PDE4D: variants seen among roughly 807,000 people sequenced by gnomAD.
The protein encoded by PDE4D is phosphodiesterase 4D.
Under a neutral mutation model 87.4 loss-of-function variants are expected in PDE4D, and 24 were observed. That is an observed-to-expected ratio of 0.27 (90% CI 0.20 to 0.39). PDE4D has a LOEUF of 0.39. Among genes scored for constraint, PDE4D ranks in the 10% least tolerant of loss-of-function variants. PDE4D has a pLI of 1.00. For missense variants in PDE4D, 714 were observed against 1,041.0 expected (o/e 0.69, Z 4.32); for synonymous variants, 384 against 383.2 (o/e 1.00, Z -0.02).
At chr5:60,189,966 T>C (rs1161378973) in intron 1 of PDE4D, among the ~76,000 whole-genome samples, 2 of 122,790 alleles carry the variant, frequency 1.6e-5, no homozygotes, top group Admixed American at 7.6e-5. Flanking sequence ...TATATTTTTC[T>C]AGGGTTGCAT....
At chr5:60,481,517 T>A (rs1456585166) in intron 1 of PDE4D, among the ~76,000 whole-genome samples, 1 of 152,170 alleles carries the variant, frequency 6.6e-6, no homozygotes, top group African/African-American at 2.4e-5. Context: ...CTCCAAAACC[T>A]ACCTGTACAC....
At chr5:59,118,996 A>G (rs1448249413) in intron 5 of PDE4D, among the ~76,000 whole-genome samples, 1 of 152,136 alleles carries the variant, frequency 6.6e-6, no homozygotes, top group Non-Finnish European at 1.5e-5. Flanking sequence ...ACTGTTTTTA[A>G]GAAAAGATAT....
intron 1 of PDE4D, among the ~76,000 whole-genome samples, chr5:59,574,134 A>ATATATT (rs1822651088): frequency 1.3e-3 from 6 of 4,668 alleles, no homozygotes; most frequent in Admixed American, 5.0e-3. Flanking sequence ...ATATTTATAT[A>ATATATT]TATATATATA....
intron 2 of PDE4D, among the ~76,000 whole-genome samples, chr5:60,007,183 C>T (rs947046277): frequency 2.0e-5 from 3 of 151,918 alleles, no homozygotes; most frequent in African/African-American, 7.2e-5. Flanking sequence ...TTTTTCAAAA[C>T]GTCACCTTCA....
chr5:59,188,085 T>C (rs1441854439), intron 3 of PDE4D, among the ~76,000 whole-genome samples: 2 of 152,082 alleles, frequency 1.3e-5, no homozygotes. Flanking sequence ...AGTTCCATTG[T>C]TCTTTGCTTT....
chr5:60,000,863 G>A (rs1238270007), intron 2 of PDE4D, among the ~76,000 whole-genome samples: 2 of 152,150 alleles, frequency 1.3e-5, no homozygotes, highest in African/African-American at 4.8e-5. Context: ...ACTGTGGCCT[G>A]AGAGCAGTCC....
intron 1 of PDE4D, among the ~76,000 whole-genome samples, chr5:59,364,088 GT>G (rs1782667572): frequency 6.6e-6 from 1 of 152,202 alleles, no homozygotes; most frequent in South Asian, 2.1e-4. Context: ...ACAGCTTATT[GT>G]TGTTATTTGT....
chr5:60,067,266 A>G (rs1582481059), intron 2 of PDE4D, among the ~76,000 whole-genome samples: 1 of 152,218 alleles, frequency 6.6e-6, no homozygotes, highest in Non-Finnish European at 1.5e-5. Context: ...GATATGGTAG[A>G]TGAGAACAGT....
intron 1 of PDE4D, among the ~76,000 whole-genome samples, chr5:59,411,551 T>C (rs192271248): frequency 6.6e-6 from 1 of 152,338 alleles, no homozygotes; most frequent in East Asian, 1.9e-4. Context: ...CCTGTCTCCT[T>C]GGCTTTCAGA....
At chr5:60,465,484 T>C (rs561641612) in intron 1 of PDE4D, among the ~76,000 whole-genome samples, 1 of 152,316 alleles carries the variant, frequency 6.6e-6, no homozygotes, top group African/African-American at 2.4e-5. Context: ...TTGGTTCATT[T>C]AAGATGGTCC....
chr5:59,518,195 G>T (rs1460352212), intron 1 of PDE4D, among the ~76,000 whole-genome samples: 2 of 62,224 alleles, frequency 3.2e-5, no homozygotes, highest in Non-Finnish European at 6.6e-5. Context: ...TTGTGTGTTT[G>T]TGTGTGTGTG....
intron 1 of PDE4D, among the ~76,000 whole-genome samples, chr5:60,426,254 A>G (rs933705627): frequency 2.0e-5 from 3 of 152,202 alleles, no homozygotes; most frequent in Non-Finnish European, 2.9e-5. Flanking sequence ...GGCACTATTC[A>G]CAATAGCAAA....
rs1017503344 is a variant in PDE4D at position 59,275,527 on chromosome 5, A to G, written c.456-59559T>C. On this transcript the variant is annotated intron_variant, in intron 1 of 14. Coordinates refer to ENST00000340635, the MANE Select transcript of PDE4D (RefSeq NM_001104631.2). ...AAGGGAGGCTGCTTGAAGAAATCCA[A>G]TTTTCCTGGAGTCCATCTCCTGTCC... The G allele has an allele frequency of 5.9e-5, 86 of 1,459,956 alleles. No homozygotes were observed. In the Middle Eastern group the frequency reaches 9.9e-4, roughly 17 times the overall value. The allele number at this position is 1,459,956 out of a possible 1,614,324, so 90.4% of individuals were successfully genotyped here.
chr5:59,582,617 C>A (rs565716880), intron 1 of PDE4D, among the ~76,000 whole-genome samples: 1 of 152,104 alleles, frequency 6.6e-6, no homozygotes, highest in Non-Finnish European at 1.5e-5. Flanking sequence ...CAGAATAAAA[C>A]AGTATGAGTT....
chr5:60,232,531 G>C (rs1373252956), intron 1 of PDE4D, among the ~76,000 whole-genome samples: 3 of 151,862 alleles, frequency 2.0e-5, no homozygotes, highest in Non-Finnish European at 4.4e-5. Flanking sequence ...CATCAAGAAA[G>C]ATGTGACAGC....
At chr5:59,345,185 C>T (rs1001491615) in intron 1 of PDE4D, among the ~76,000 whole-genome samples, 8 of 152,106 alleles carry the variant, frequency 5.3e-5, no homozygotes, top group Non-Finnish European at 1.2e-4. Context: ...TTTATTTTAG[C>T]GTGACTTACA....
At chr5:59,688,786 G>C (rs1469714012) in intron 1 of PDE4D, among the ~76,000 whole-genome samples, 2 of 152,090 alleles carry the variant, frequency 1.3e-5, no homozygotes, top group Non-Finnish European at 2.9e-5. Flanking sequence ...CCAGGAGCTG[G>C]TATTTTGAAA....
intron 1 of PDE4D, among the ~76,000 whole-genome samples, chr5:59,637,513 A>G (rs990835658): frequency 6.6e-6 from 1 of 152,100 alleles, no homozygotes; most frequent in Non-Finnish European, 1.5e-5. Flanking sequence ...CCCATCAATG[A>G]TAGACTGGAT....
intron 2 of PDE4D, among the ~76,000 whole-genome samples, chr5:60,118,713 CACTT>C (rs1197082264): frequency 6.6e-6 from 1 of 152,002 alleles, no homozygotes; most frequent in Non-Finnish European, 1.5e-5. Flanking sequence ...TTTTGCCTGA[CACTT>C]ACATCAATTC....
Sources: gnomAD v4.1 joint callset for allele counts (sites outside exome capture counted in the v4.1 genomes callset) on GRCh38, gnomAD v4.1.1 for gene constraint, MANE v1.5 for transcripts, NCBI Gene and HGNC (gene_info 2026-07-23, HGNC 2026-07-21) for gene names.